Variants in CHST9 observed in about 807,000 individuals in gnomAD.
The protein encoded by CHST9 is carbohydrate sulfotransferase 9.
In CHST9, 41 loss-of-function variants were observed where a neutral mutation model predicts 44.4. The observed-to-expected ratio is 0.92, with a 90% CI of 0.72 to 1.20. The LOEUF (loss-of-function observed/expected upper bound fraction) is 1.20, where lower values mean the gene tolerates loss of function less well. CHST9 is among the 50% of genes most tolerant of loss of function. CHST9 has a pLI of 0.00. For synonymous variants in CHST9, 171 were observed against 178.4 expected, an observed-to-expected ratio of 0.96 and a Z score of 0.33; for missense variants, 504 against 516.5, an observed-to-expected ratio of 0.98 and a Z score of 0.23.
chr18:27,008,098 C>G (rs576416388), intron 4 of CHST9, among the ~76,000 whole-genome samples: 1 of 152,204 alleles, frequency 6.6e-6, no homozygotes, highest in Non-Finnish European at 1.5e-5. Flanking sequence ...GGACGACTCA[C>G]CACTGATAGG....
chr18:26,907,617 G>A lies in CHST9; in HGVS notation c.*8642C>T, dbSNP rs2055386847. On this transcript the variant is annotated 3_prime_UTR_variant, in exon 6 of 6. Coordinates refer to ENST00000618847, the MANE Select transcript of CHST9 (RefSeq NM_031422.6). ...TCTTGGAGGGGGCACCCATGTGGAG[G>A]TCCTTAAAGAGGAATAAAGGACACT... is the stretch of plus-strand genomic sequence containing the variant. 6.6e-6 allele frequency: 1 copy of A among 152,526 alleles called. No individual in the cohort carries two copies. The highest frequency in any genetic ancestry group is 1.5e-5 in the Non-Finnish European group (1 of 68,378). 9.4% of individuals were successfully genotyped at this position (152,526 alleles called of 1,614,324 possible). A position where few individuals can be genotyped will look rare whatever the true frequency, so the allele number is the denominator to read the frequency against.
At chr18:27,021,974 T>G (rs2057231834) in intron 4 of CHST9, among the ~76,000 whole-genome samples, 1 of 108,818 alleles carries the variant, frequency 9.2e-6, no homozygotes, top group Non-Finnish European at 2.2e-5. Flanking sequence ...CACATGCCCC[T>G]ATGCCCAGCT....
chr18:27,000,732 T>A (rs1381774871), intron 4 of CHST9, among the ~76,000 whole-genome samples: 2 of 152,106 alleles, frequency 1.3e-5, no homozygotes, highest in East Asian at 3.9e-4. Context: ...TTTGATCTCA[T>A]AAAATTTACC....
chr18:27,027,438 G>A (rs538399254), intron 3 of CHST9, among the ~76,000 whole-genome samples: 1 of 152,304 alleles, frequency 6.6e-6, no homozygotes, highest in South Asian at 2.1e-4. Flanking sequence ...TCACAGTGAA[G>A]TTTAGGTCCT....
At chr18:26,929,354 G>A (rs1167426546) in intron 5 of CHST9, among the ~76,000 whole-genome samples, 1 of 152,196 alleles carries the variant, frequency 6.6e-6, no homozygotes, top group African/African-American at 2.4e-5. Context: ...AAGTCTTTTA[G>A]AGAATTAACT....
chr18:27,068,152 A>G (rs1349415280), intron 2 of CHST9, among the ~76,000 whole-genome samples: 3 of 152,160 alleles, frequency 2.0e-5, no homozygotes, highest in Non-Finnish European at 2.9e-5. Context: ...AGAGGAATAA[A>G]GAGAGATAGA....
intron 1 of CHST9, among the ~76,000 whole-genome samples, chr18:27,175,099 C>T (rs538264199): frequency 6.6e-5 from 10 of 152,040 alleles, no homozygotes; most frequent in African/African-American, 2.4e-4. Flanking sequence ...TATTTTATAC[C>T]TTGTTTGAAT....
chr18:27,053,262 G>GAAGAAGAAGAAGAAGA lies in CHST9; in HGVS notation c.122-4760_122-4759insTCTTCTTCTTCTTCTT, dbSNP rs772678534. Among the ~76,000 whole-genome samples, 87 of 45,734 alleles carry GAAGAAGAAGAAGAAGA rather than the reference G, an allele frequency of 1.9e-3. 2 individuals are homozygous for GAAGAAGAAGAAGAAGA. Among genetic ancestry groups the GAAGAAGAAGAAGAAGA allele is most frequent in the Non-Finnish European group, 2.6e-3 (57 of 21,516 alleles). 30.0% of individuals were successfully genotyped at this position (45,734 alleles called of 152,430 possible). ...GAAGAAGAAGAAGAAGAAGAAGAAG[G>GAAGAAGAAGAAGAAGA]AGAAGGAGAAGGAGAAGGAGAAGGA... On this transcript the variant is annotated intron_variant, in intron 2 of 5. Transcript: ENST00000618847.
intron 4 of CHST9, among the ~76,000 whole-genome samples, chr18:26,958,284 T>A (rs1355399123): frequency 6.6e-6 from 1 of 152,102 alleles, no homozygotes; most frequent in African/African-American, 2.4e-5. Flanking sequence ...ATAACAGGGA[T>A]ATAAATACTA....
At chr18:27,014,080 C>T (rs767220290) in intron 4 of CHST9, among the ~76,000 whole-genome samples, 12 of 152,050 alleles carry the variant, frequency 7.9e-5, no homozygotes, top group Admixed American at 2.0e-4. Context: ...TGCAACCAGG[C>T]CCTCATTCAC....
intron 5 of CHST9, chr18:26,933,637 A>C (rs2055920965): frequency 6.5e-6 from 1 of 153,756 alleles, no homozygotes; most frequent in African/African-American, 2.4e-5. Flanking sequence ...AGCTGGAAGA[A>C]TTAATAAGCA....
intron 5 of CHST9, among the ~76,000 whole-genome samples, chr18:26,937,684 G>A (rs893408833): frequency 6.6e-6 from 1 of 152,112 alleles, no homozygotes; most frequent in African/African-American, 2.4e-5. Context: ...GAACTAATTC[G>A]CCTCACTAAG....
At chr18:27,053,250 AAGAAGAAGAAGGAGAAGGAGAAGG>A (rs1437526979) in intron 2 of CHST9, among the ~76,000 whole-genome samples, 262 of 87,188 alleles carry the variant, frequency 3.0e-3, no homozygotes, top group African/African-American at 9.3e-3. Context: ...GAAGAAGAAG[AAGAAGAAGAAGGAGAAGGAGAAGG>A]AGAAGGAGAA....
intron 5 of CHST9, among the ~76,000 whole-genome samples, chr18:26,933,374 C>T (rs1315151240): frequency 1.3e-5 from 2 of 152,160 alleles, no homozygotes; most frequent in African/African-American, 4.8e-5. Context: ...CAATGGGGTT[C>T]TGAAAAATAT....
chr18:26,943,787 T>C (rs1035118827), intron 5 of CHST9, among the ~76,000 whole-genome samples: 5 of 152,076 alleles, frequency 3.3e-5, no homozygotes, highest in Admixed American at 3.3e-4. Flanking sequence ...AATACAAAAA[T>C]AGATCAGTAA....
intron 2 of CHST9, among the ~76,000 whole-genome samples, chr18:27,124,943 C>T (rs752273928): frequency 5.9e-5 from 9 of 152,084 alleles, no homozygotes; most frequent in Non-Finnish European, 1.0e-4. Flanking sequence ...GTCTCTCTCC[C>T]GAGCAAACTT....
intron 1 of CHST9, among the ~76,000 whole-genome samples, chr18:27,161,082 T>C (rs1342002542): frequency 2.0e-5 from 3 of 152,200 alleles, no homozygotes; most frequent in Non-Finnish European, 4.4e-5. Flanking sequence ...CATTGATTTT[T>C]TGAAGGGTTT....
chr18:27,061,791 G>C (rs555336725), intron 2 of CHST9, among the ~76,000 whole-genome samples: 3 of 152,224 alleles, frequency 2.0e-5, no homozygotes, highest in East Asian at 1.9e-4. Context: ...TTCTCGATGA[G>C]AGCAAAGATC....
chr18:27,037,896 G>A (rs933760305), intron 3 of CHST9, among the ~76,000 whole-genome samples: 1 of 151,318 alleles, frequency 6.6e-6, no homozygotes, highest in African/African-American at 2.4e-5. Context: ...CAATTCTCAA[G>A]CCATTCAGAT....
Sources: gnomAD v4.1 joint callset for allele counts (sites outside exome capture counted in the v4.1 genomes callset) on GRCh38, gnomAD v4.1.1 for gene constraint, MANE v1.5 for transcripts, NCBI Gene and HGNC (gene_info 2026-07-23, HGNC 2026-07-21) for gene names.